LCP2: variants seen among roughly 807,000 people sequenced by gnomAD.
LCP2 encodes 76 kDa tyrosine phosphoprotein.
A neutral mutation model predicts 74.5 loss-of-function variants in LCP2; 29 were observed. That is an observed-to-expected ratio of 0.39 (90% CI 0.29 to 0.53). The LOEUF (loss-of-function observed/expected upper bound fraction) is 0.53. LCP2 is among the 20% of genes least tolerant of loss of function. The pLI is 0.72. For missense variants in LCP2, 604 were observed against 634.6 expected, an observed-to-expected ratio of 0.95 and a Z score of 0.52; for synonymous variants, 228 against 229.5, an observed-to-expected ratio of 0.99 and a Z score of 0.06.
In LCP2 at chr5:170,262,524, C is replaced by T. The variant is rs1295044548; in HGVS notation, c.926+111G>A. The T allele has an allele frequency of 8.2e-6, 6 of 731,812 alleles. No homozygotes were observed. The Admixed American group carries it at 1.1e-4, about 14-fold the overall frequency. The allele number at this position is 731,812 out of a possible 1,614,324, so 45.3% of individuals were successfully genotyped here. On this transcript the variant is annotated intron_variant, in intron 13 of 20. Coordinates refer to ENST00000046794, the MANE Select transcript of LCP2 (RefSeq NM_005565.5). ...CCTCAAGCCACAGCAAGAAAAGGCC[C>T]ACCCTGCCCGGGAGCACCGAGGAGC...
chr5:170,263,417 AC>A (rs1198528209), intron 10 of LCP2, among the ~76,000 whole-genome samples: 1 of 152,202 alleles, frequency 6.6e-6, no homozygotes, highest in Non-Finnish European at 1.5e-5. Context: ...GGAGAGGGTA[AC>A]TTTTATCCAA....
intron 3 of LCP2, among the ~76,000 whole-genome samples, chr5:170,281,679 C>T (rs1762108774): frequency 6.6e-6 from 1 of 152,170 alleles, no homozygotes; most frequent in Admixed American, 6.5e-5. Flanking sequence ...AAGGAGATGC[C>T]TCAGTACGTT....
chr5:170,287,512 C>A (rs892640080), intron 3 of LCP2, among the ~76,000 whole-genome samples: 4 of 152,210 alleles, frequency 2.6e-5, no homozygotes, highest in African/African-American at 9.7e-5. Flanking sequence ...CTCAACATAA[C>A]ACCCCTGTCA....
intron 2 of LCP2, among the ~76,000 whole-genome samples, chr5:170,290,994 A>C (rs967114982): frequency 1.3e-5 from 1 of 75,850 alleles, no homozygotes; most frequent in Non-Finnish European, 2.9e-5. Context: ...GAAAGAAAGA[A>C]AGAAAGAGAG....
chr5:170,281,569 G>A (rs1762106666), intron 3 of LCP2, among the ~76,000 whole-genome samples: 3 of 152,188 alleles, frequency 2.0e-5, no homozygotes, highest in African/African-American at 7.2e-5. Flanking sequence ...CATTTGAGTG[G>A]CCACATTCTT....
Position 170,289,611 on chromosome 5 carries a change from CTTTCTT to C in LCP2, c.142-1601_142-1596del, listed in dbSNP as rs1395895360. Among the ~76,000 whole-genome samples, 445 of 143,468 alleles carry C rather than the reference CTTTCTT, an allele frequency of 3.1e-3. 3 individuals carry two copies. The highest frequency in any genetic ancestry group is 0.01 in the African/African-American group (371 of 36,788). 94.1% of individuals were successfully genotyped at this position (143,468 alleles called of 152,430 possible). ...ACTCCTTTTCTTTCTTTCTTTCTTT[CTTTCTT>C]TTTCTTTCTTTCTTTCTTTCTTTCT... is the stretch of plus-strand genomic sequence containing the variant. On this transcript the variant is annotated intron_variant, in intron 2 of 20. Transcript: ENST00000046794.
At chr5:170,255,181 A>G (rs1458325173) in intron 17 of LCP2, among the ~76,000 whole-genome samples, 2 of 152,232 alleles carry the variant, frequency 1.3e-5, no homozygotes, top group Non-Finnish European at 2.9e-5. Context: ...GTTGGGCGAG[A>G]AACTGTGAAA....
chr5:170,262,077 T>A (rs989124192), intron 13 of LCP2, among the ~76,000 whole-genome samples: 2 of 152,166 alleles, frequency 1.3e-5, no homozygotes, highest in Admixed American at 6.5e-5. Context: ...AAGCTTTGGT[T>A]GTATTCTTTG....
At chr5:170,265,150 G>A (rs778790656) in intron 10 of LCP2, among the ~76,000 whole-genome samples, 21 of 151,900 alleles carry the variant, frequency 1.4e-4, no homozygotes, top group Non-Finnish European at 2.2e-4. Flanking sequence ...ACCATGCCTG[G>A]TTAATTTTTT....
chr5:170,296,417 T>C (rs183117020), intron 1 of LCP2, among the ~76,000 whole-genome samples: 1 of 152,308 alleles, frequency 6.6e-6, no homozygotes, highest in East Asian at 1.9e-4. Flanking sequence ...GCCTCGGAAA[T>C]GCATAGACCC....
At chr5:170,272,136 C>T (rs956162114) in intron 6 of LCP2, among the ~76,000 whole-genome samples, 1 of 152,200 alleles carries the variant, frequency 6.6e-6, no homozygotes, top group African/African-American at 2.4e-5. Flanking sequence ...CTCCAGGCTG[C>T]TGACCCTTTC....
chr5:170,282,765 G>T (rs999855543), intron 3 of LCP2, among the ~76,000 whole-genome samples: 1 of 152,212 alleles, frequency 6.6e-6, no homozygotes, highest in African/African-American at 2.4e-5. Context: ...GGAAGCTGAG[G>T]CTCGGAGAGC....
intron 17 of LCP2, 119 bp from the exon 18 acceptor site, chr5:170,253,332 G>A: frequency 1.7e-6 from 1 of 581,788 alleles, no homozygotes; most frequent in Non-Finnish European, 3.0e-6. Flanking sequence ...TGGTCCTATA[G>A]TTCGCATTTT....
Position 170,266,801 on chromosome 5 carries a change from T to C in LCP2, c.772+7A>G. On this transcript the variant is annotated splice_region_variant and intron_variant, in intron 10 of 20. Coordinates refer to ENST00000046794, the MANE Select transcript of LCP2 (RefSeq NM_005565.5). ...ATTACTATGCATTAAATGTGAATCA[T>C]ACCCACCTAGTGTGAAGGGTTCTCT... 1 of 1,609,150 alleles carries C rather than the reference T, an allele frequency of 6.2e-7. No homozygotes were observed.
chr5:170,276,564 T>A (rs1762010959), intron 3 of LCP2, among the ~76,000 whole-genome samples: 1 of 152,204 alleles, frequency 6.6e-6, no homozygotes, highest in Non-Finnish European at 1.5e-5. Flanking sequence ...CCTGGGTTCC[T>A]TCATGTCAGA....
At chr5:170,269,384 C>T (rs1227901770) in intron 7 of LCP2, among the ~76,000 whole-genome samples, 2 of 152,188 alleles carry the variant, frequency 1.3e-5, no homozygotes, top group East Asian at 1.9e-4. Context: ...CTAGTCCCAG[C>T]CTTGGGGAGG....
chr5:170,281,322 C>T (rs998026491), intron 3 of LCP2, among the ~76,000 whole-genome samples: 5 of 152,052 alleles, frequency 3.3e-5, no homozygotes, highest in Admixed American at 2.6e-4. Flanking sequence ...CTCTGTCCCC[C>T]AGGCTGGAGT....
intron 14 of LCP2, among the ~76,000 whole-genome samples, chr5:170,260,426 G>A (rs1039333129): frequency 6.6e-6 from 1 of 152,204 alleles, no homozygotes; most frequent in Non-Finnish European, 1.5e-5. Context: ...AGCAGATCTG[G>A]GTTCAGATCC....
Position 170,267,187 on chromosome 5 carries a change from A to G in LCP2, c.622-112T>C, listed in dbSNP as rs545765068. On this transcript the variant is annotated intron_variant, in intron 8 of 20. Transcript: ENST00000046794. ...TTCCTCATCTTCATGTTCTGCCTAC[A>G]AACATCCATGTCCATTTCTTCACTG... The G allele has an allele frequency of 2.1e-5, 23 of 1,072,304 alleles. No individual in the cohort carries two copies. In the African/African-American group the frequency reaches 2.9e-4, roughly 14 times the overall value. The allele number at this position is 1,072,304 out of a possible 1,614,324, so 66.4% of individuals were successfully genotyped here.
Sources: allele counts gnomAD v4.1 joint callset (sites outside exome capture counted in the v4.1 genomes callset), GRCh38; gene constraint gnomAD v4.1.1; transcripts MANE v1.5; gene names NCBI Gene and HGNC (gene_info 2026-07-23, HGNC 2026-07-21).